The following SPAG16 variants were observed in gnomAD, a reference collection of about 807,000 sequenced individuals.
The protein encoded by SPAG16 is sperm-associated antigen 16 protein.
In SPAG16, 86 loss-of-function variants were observed where a neutral mutation model predicts 80.4. The ratio of observed to expected loss-of-function variants is 1.07; its 90% CI spans 0.90 to 1.28. The LOEUF (loss-of-function observed/expected upper bound fraction) is 1.28, where lower values mean the gene tolerates loss of function less well. Among genes scored for constraint, SPAG16 ranks in the 50% most tolerant of loss-of-function variants. The pLI, the probability that SPAG16 is intolerant of heterozygous loss-of-function variation, is 0.00. For synonymous variants in SPAG16, 294 were observed against 265.9 expected, an observed-to-expected ratio of 1.11 and a Z score of -1.03; for missense variants, 870 against 765.3, an observed-to-expected ratio of 1.14 and a Z score of -1.61.
chr2:214,180,544 C>T (rs2057278618), intron 15 of SPAG16, among the ~76,000 whole-genome samples: 1 of 151,354 alleles, frequency 6.6e-6, no homozygotes, highest in Admixed American at 6.6e-5. Flanking sequence ...TACCAACAAA[C>T]TTTTTCTTTG....
At chr2:213,478,532 T>C (rs1280398262) in intron 9 of SPAG16, among the ~76,000 whole-genome samples, 1 of 152,190 alleles carries the variant, frequency 6.6e-6, no homozygotes, top group East Asian at 1.9e-4. Flanking sequence ...AATGTGATGG[T>C]AGCTACTATT....
intron 10 of SPAG16, among the ~76,000 whole-genome samples, chr2:213,709,515 G>C (rs1300198005): frequency 6.6e-6 from 1 of 152,114 alleles, no homozygotes; most frequent in Non-Finnish European, 1.5e-5. Context: ...GATTAAAAGA[G>C]CTTTAATTGA....
At chr2:213,866,815 AATGTTGACTACAT>A in intron 11 of SPAG16, among the ~76,000 whole-genome samples, 1 of 152,306 alleles carries the variant, frequency 6.6e-6, no homozygotes, top group East Asian at 1.9e-4. Context: ...ACTCTCTTTA[AATGTTGACTACAT>A]ATTTTATTTT....
intron 13 of SPAG16, among the ~76,000 whole-genome samples, chr2:214,030,583 C>T (rs1264775513): frequency 6.6e-6 from 1 of 152,166 alleles, no homozygotes; most frequent in Non-Finnish European, 1.5e-5. Context: ...CTGAAATCAA[C>T]TAAAAATGCA....
intron 13 of SPAG16, among the ~76,000 whole-genome samples, chr2:214,037,628 C>T (rs981014401): frequency 6.6e-6 from 1 of 151,918 alleles, no homozygotes; most frequent in African/African-American, 2.4e-5. Context: ...ATCTCCTAGG[C>T]TTGTATGTTT....
chr2:214,246,073 TTA>T (rs1459172925), intron 15 of SPAG16, among the ~76,000 whole-genome samples: 7 of 152,110 alleles, frequency 4.6e-5, no homozygotes, highest in African/African-American at 1.7e-4. Context: ...AGGATACAAC[TTA>T]TATTAACTGT....
intron 10 of SPAG16, among the ~76,000 whole-genome samples, chr2:213,515,143 C>T (rs965719430): frequency 2.6e-5 from 4 of 151,428 alleles, no homozygotes; most frequent in African/African-American, 7.3e-5. Context: ...AATATTCAAA[C>T]TATTAGATAA....
At chr2:213,614,927 A>G (rs1012101343) in intron 10 of SPAG16, among the ~76,000 whole-genome samples, 1 of 152,190 alleles carries the variant, frequency 6.6e-6, no homozygotes, top group African/African-American at 2.4e-5. Flanking sequence ...AGGAGTAATC[A>G]ATGATTTCTT....
chr2:214,201,493 A>G (rs1243206535), intron 15 of SPAG16, among the ~76,000 whole-genome samples: 1 of 152,172 alleles, frequency 6.6e-6, no homozygotes, highest in Non-Finnish European at 1.5e-5. Flanking sequence ...ATTTGTATTT[A>G]TGAAGATAGC....
intron 10 of SPAG16, among the ~76,000 whole-genome samples, chr2:213,783,041 TC>T (rs1377711522): frequency 9.6e-6 from 1 of 103,770 alleles, no homozygotes; most frequent in African/African-American, 3.7e-5. Context: ...ATGCTATCCC[TC>T]CCCCCTCCCC....
At chr2:213,742,238 T>C (rs4673756) in intron 10 of SPAG16, among the ~76,000 whole-genome samples, 69,139 of 151,856 alleles carry the variant, frequency 0.46, 17,246 homozygotes, top group Non-Finnish European at 0.56. Context: ...TGTTTACTAA[T>C]TTTGGAGACA....
Position 213,644,358 on chromosome 2 carries a change from T to C in SPAG16, c.1070+154268T>C, listed in dbSNP as rs183230706. On this transcript the variant is annotated intron_variant, in intron 10 of 15. Coordinates refer to ENST00000331683, the MANE Select transcript of SPAG16 (RefSeq NM_024532.5). ...CAGGATTGGTTCCTGGTGACTTATT[T>C]AGTTTATTTGGTGAGGTCATGTTTT... 4.6e-5 allele frequency among the ~76,000 whole-genome samples: 7 copies of C among 152,222 alleles called. No homozygotes were observed. The East Asian group carries it at 1.4e-3, about 30-fold the overall frequency.
At chr2:213,397,732 C>G (rs191954550) in intron 9 of SPAG16, among the ~76,000 whole-genome samples, 13 of 152,188 alleles carry the variant, frequency 8.5e-5, no homozygotes, top group Admixed American at 7.9e-4. Flanking sequence ...ATTGTTTGCT[C>G]CCTACCCCCC....
chr2:214,269,194 C>G (rs566312024), intron 15 of SPAG16, among the ~76,000 whole-genome samples: 1 of 151,902 alleles, frequency 6.6e-6, no homozygotes, highest in South Asian at 2.1e-4. Context: ...ATATCATAAT[C>G]AAGGGAATTG....
chr2:213,688,253 G>A (rs943313594), intron 10 of SPAG16, among the ~76,000 whole-genome samples: 3 of 152,188 alleles, frequency 2.0e-5, no homozygotes, highest in African/African-American at 7.2e-5. Context: ...AATTCTCATA[G>A]TGGCTGCCAT....
intron 15 of SPAG16, among the ~76,000 whole-genome samples, chr2:214,324,199 A>T (rs1696310028): frequency 6.6e-6 from 1 of 152,206 alleles, no homozygotes; most frequent in African/African-American, 2.4e-5. Flanking sequence ...ACTTTACTCA[A>T]ATAATGCATA....
chr2:213,856,300 C>T (rs969347406), intron 10 of SPAG16, among the ~76,000 whole-genome samples: 1 of 152,196 alleles, frequency 6.6e-6, no homozygotes, highest in Admixed American at 6.5e-5. Context: ...AGCTCCACCC[C>T]TGTGGCTTTG....
chr2:214,246,169 C>A (rs937529355), intron 15 of SPAG16, among the ~76,000 whole-genome samples: 2 of 152,130 alleles, frequency 1.3e-5, no homozygotes, highest in Non-Finnish European at 2.9e-5. Context: ...TGTTGTCTTT[C>A]TACCTCTGCC....
chr2:214,131,554 A>G (rs2125498385), intron 14 of SPAG16, among the ~76,000 whole-genome samples: 1 of 152,264 alleles, frequency 6.6e-6, no homozygotes, highest in East Asian at 1.9e-4. Context: ...GGAAGCAACC[A>G]AAATGTCCTC....
Sources: gnomAD v4.1 joint callset for allele counts (sites outside exome capture counted in the v4.1 genomes callset) on GRCh38, gnomAD v4.1.1 for gene constraint, MANE v1.5 for transcripts, NCBI Gene and HGNC (gene_info 2026-07-23, HGNC 2026-07-21) for gene names.